TARBP1: variants seen among roughly 807,000 people sequenced by gnomAD.
TARBP1 encodes the protein tRNA (guanosine(18)-2'-O)-methyltransferase TARBP1.
A neutral mutation model predicts 178.6 loss-of-function variants in TARBP1; 144 were observed. The observed-to-expected ratio is 0.81, with a 90% CI of 0.70 to 0.93. TARBP1 has a LOEUF of 0.93. Among genes scored for constraint, TARBP1 ranks in the 40% least tolerant of loss-of-function variants. The pLI, the probability that TARBP1 is intolerant of heterozygous loss-of-function variation, is 0.00. For synonymous variants in TARBP1, 787 were observed against 781.0 expected (o/e 1.01, Z -0.13); for missense variants, 2,067 against 2,011.7 (o/e 1.03, Z -0.53).
intron 12 of TARBP1, among the ~76,000 whole-genome samples, chr1:234,441,812 G>C (rs1665625765): frequency 1.3e-5 from 2 of 152,078 alleles, no homozygotes; most frequent in South Asian, 4.2e-4. Context: ...ATAATATGTG[G>C]TCTTTAGTGA....
chr1:234,452,856 C>CT (rs1558230747), intron 9 of TARBP1, among the ~76,000 whole-genome samples: 3 of 148,452 alleles, frequency 2.0e-5, no homozygotes, highest in Non-Finnish European at 4.4e-5. Context: ...TACATCCAGA[C>CT]AATGAAGTCT....
chr1:234,427,257 A>G (rs995045486), intron 19 of TARBP1, 60 bp downstream of exon 19: 16 of 1,171,228 alleles, frequency 1.4e-5, no homozygotes, highest in Admixed American at 2.0e-5. Flanking sequence ...TGTTTGTCAT[A>G]TGATGTTAAA....
At chr1:234,409,661 T>C (rs1661605855) in intron 23 of TARBP1, among the ~76,000 whole-genome samples, 1 of 152,170 alleles carries the variant, frequency 6.6e-6, no homozygotes, top group Non-Finnish European at 1.5e-5. Flanking sequence ...ATGGATGAAA[T>C]AGGTTAATAA....
In TARBP1 at chr1:234,398,360, T is replaced by A. The variant is rs778938197; in HGVS notation, c.4243+22A>T. 2.6e-6 allele frequency: 4 copies of A among 1,553,966 alleles called. No homozygotes were observed. The African/African-American group carries it at 5.5e-5, about 21-fold the overall frequency. Reference sequence around the variant, plus strand: ...TAACCAGATCAACAAGGGGAAAAAATAAAATGAAAATTATTTTTTACCTAT... The same window carrying A: ...TAACCAGATCAACAAGGGGAAAAAAAAAAATGAAAATTATTTTTTACCTAT... On this transcript the variant is annotated intron_variant, in intron 26 of 29. Transcript: ENST00000040877.
At chr1:234,433,864 C>T (rs1184895866) in intron 13 of TARBP1, among the ~76,000 whole-genome samples, 1 of 152,136 alleles carries the variant, frequency 6.6e-6, no homozygotes, top group South Asian at 2.1e-4. Flanking sequence ...TACCATCTAC[C>T]AATTCTTATG....
intron 13 of TARBP1, among the ~76,000 whole-genome samples, chr1:234,436,991 A>T (rs747311070): frequency 1.3e-5 from 2 of 152,226 alleles, no homozygotes; most frequent in Non-Finnish European, 2.9e-5. Flanking sequence ...GAATGTGTGT[A>T]GTACTTCAAA....
At position 234,429,629 on chromosome 1, in the gene TARBP1, T is replaced by C; in HGVS notation, c.2658A>G (p.Ala886=). The part of the protein sequence containing the change: ...SSSQGWGKIV[A]QYIHDQWVCL... ...ACACCCATTGATCATGAATATATTG[T>C]GCAACTATTTTTCCCCATCCTTGGG... The change falls in exon 16 of 30, where the codon GCA becomes GCG. Residue 886 remains alanine, a synonymous_variant. Coordinates refer to ENST00000040877, the MANE Select transcript of TARBP1 (RefSeq NM_005646.4). 1.2e-6 allele frequency: 2 copies of C among 1,611,442 alleles called. No individual in the cohort carries two copies. The highest frequency in any genetic ancestry group is 1.7e-5 in the Admixed American group (1 of 59,324).
chr1:234,471,234 T>A lies in TARBP1; in HGVS notation c.1053A>T (p.Leu351Phe). ...ATTCAAACAGATTGTTTAGCTTTGG[T>A]AAAACTGGCTTTATAACATGTATCT... ...GNQIHVIKPV[L>F]PKLNNLFEYA... The change falls in exon 3 of 30, where the codon TTA becomes TTT. Residue 351 changes from leucine (L) to phenylalanine (F), a missense_variant. Leu to Phe is a conservative substitution (Grantham distance 22). Transcript: ENST00000040877. The A allele has an allele frequency of 6.3e-7, 1 of 1,599,130 alleles. No homozygotes were observed. The highest frequency in any genetic ancestry group is 1.8e-5 in the Admixed American group (1 of 55,578).
intron 26 of TARBP1, among the ~76,000 whole-genome samples, chr1:234,395,695 C>A (rs993410229): frequency 1.3e-5 from 2 of 152,342 alleles, no homozygotes; most frequent in East Asian, 3.9e-4. Context: ...TATAGTTACA[C>A]AGGCGGTGGT....
intron 20 of TARBP1, among the ~76,000 whole-genome samples, chr1:234,421,109 G>C (rs1663035383): frequency 6.6e-6 from 1 of 152,048 alleles, no homozygotes; most frequent in Non-Finnish European, 1.5e-5. Flanking sequence ...TCTTTTTTGA[G>C]ATGGAGTCTT....
chr1:234,394,752 G>A (rs1030018867), intron 26 of TARBP1, among the ~76,000 whole-genome samples: 8 of 152,238 alleles, frequency 5.3e-5, no homozygotes, highest in African/African-American at 1.7e-4. Context: ...GCAATGGAGT[G>A]GAGGGAGATG....
Position 234,420,821 on chromosome 1 carries a change from G to A in TARBP1, c.3445-9C>T. On this transcript the variant is annotated splice_polypyrimidine_tract_variant and intron_variant, in intron 20 of 29. Transcript: ENST00000040877. ...TTGGACACTAATTCATCCTGGAAAG[G>A]AGAAGGGAGGGAGTCAACATTAAAT... 6.9e-7 allele frequency: 1 copy of A among 1,453,846 alleles called. No individual in the cohort carries two copies. The highest frequency in any genetic ancestry group is 1.7e-4 in the Middle Eastern group (1 of 5,752). The allele number at this position is 1,453,846 out of a possible 1,614,324, so 90.1% of individuals were successfully genotyped here. A position where few individuals can be genotyped will look rare whatever the true frequency, so the allele number is the denominator to read the frequency against.
At position 234,472,716 on chromosome 1, in the gene TARBP1, G is replaced by T; in HGVS notation, c.1027C>A (p.Gln343Lys). 1 of 1,572,140 alleles carries T rather than the reference G, an allele frequency of 6.4e-7. No individual in the cohort carries two copies. Among genetic ancestry groups the T allele is most frequent in the Non-Finnish European group, 8.6e-7 (1 of 1,162,148 alleles). Reference sequence around the variant, plus strand: ...TGCTAAAATAGAAAAACACTTACCTGATTTCCTTCTAAAGTCTCCATAATT... The same window carrying T: ...TGCTAAAATAGAAAAACACTTACCTTATTTCCTTCTAAAGTCTCCATAATT... The part of the protein sequence containing the change: ...ILIMETLEGN[Q>K]IHVIKPVLPK... Residue 343 changes from glutamine (Q) to lysine (K), a missense_variant and splice_region_variant, in exon 2 of 30, where the codon CAG (glutamine) becomes AAG (lysine). Gln to Lys is a moderately conservative substitution (Grantham distance 53). Coordinates refer to ENST00000040877, the MANE Select transcript of TARBP1 (RefSeq NM_005646.4).
intron 6 of TARBP1, 104 bp from the exon 7 acceptor site, chr1:234,460,500 CTCCACT>C: frequency 8.5e-7 from 1 of 1,173,862 alleles, no homozygotes. Flanking sequence ...CATAGTAAGG[CTCCACT>C]TCCCACACAC....
chr1:234,433,315 T>C, intron 14 of TARBP1, 95 bp downstream of exon 14: 1 of 1,286,642 alleles, frequency 7.8e-7, no homozygotes, highest in East Asian at 2.3e-5. Context: ...TAGTTAACGC[T>C]TTGTATGGTA....
At position 234,425,777 on chromosome 1, in the gene TARBP1, G is replaced by A. The variant is rs1204079247; in HGVS notation, c.3340C>T (p.His1114Tyr). 3 of 1,587,368 alleles carry A rather than the reference G, an allele frequency of 1.9e-6. No homozygotes were observed. Among genetic ancestry groups the A allele is most frequent in the Non-Finnish European group, 2.6e-6 (3 of 1,159,170 alleles). The change falls in exon 20 of 30, where the codon CAT becomes TAT. Residue 1114 changes from histidine (H) to tyrosine (Y), a missense_variant. His to Tyr is a moderately conservative substitution (Grantham distance 83). Coordinates refer to ENST00000040877, the MANE Select transcript of TARBP1 (RefSeq NM_005646.4). ...TTGACAGCACAAATTCTCACATAAT[G>A]GTCTTCTCTCTTAGTACTAAAAAAA... ...IVMENTKRED[H>Y]YVRICAVKFL...
intron 3 of TARBP1, among the ~76,000 whole-genome samples, chr1:234,470,263 C>T (rs901401044): frequency 2.7e-4 from 41 of 152,096 alleles, no homozygotes; most frequent in African/African-American, 9.4e-4. Flanking sequence ...TGCAAGACTC[C>T]ACATCTCAAA....
Position 234,391,473 on chromosome 1 carries a change from G to C in TARBP1, c.*104C>G, listed in dbSNP as rs1396431090. The C allele has an allele frequency of 1.5e-6, 2 of 1,297,978 alleles. No individual in the cohort carries two copies. The highest frequency in any genetic ancestry group is 2.0e-6 in the Non-Finnish European group (2 of 976,408). The allele number at this position is 1,297,978 out of a possible 1,614,324, so 80.4% of individuals were successfully genotyped here. ...TTTGGCATTAAATTGCAAGAAAAAAGAAATACAAATTATCACAATAAATTT... is the reference window on the plus strand; with the variant it reads ...TTTGGCATTAAATTGCAAGAAAAAACAAATACAAATTATCACAATAAATTT... On this transcript the variant is annotated 3_prime_UTR_variant, in exon 30 of 30. Coordinates refer to ENST00000040877, the MANE Select transcript of TARBP1 (RefSeq NM_005646.4).
At position 234,478,258 on chromosome 1, in the gene TARBP1, C is replaced by A. The variant is rs778246253; in HGVS notation, c.846G>T (p.Lys282Asn). 2.4e-5 allele frequency: 38 copies of A among 1,606,584 alleles called. No homozygotes were observed. Among genetic ancestry groups the A allele is most frequent in the Non-Finnish European group, 3.2e-5 (38 of 1,177,906 alleles). ...CCCTCTGCAGCAGGTAGCGCGCTCG[C>A]TTGCGCGTCAGGGCGTCCGCCTGGC... ...GLGQADALTR[K>N]RARYLLQRAV... The change falls in exon 1 of 30, where the codon AAG becomes AAT. Residue 282 changes from lysine to asparagine, a missense_variant. Lys to Asn is a moderately conservative substitution (Grantham distance 94, BLOSUM62 0). Transcript: ENST00000040877.
Sources: gnomAD v4.1 joint callset for allele counts (sites outside exome capture counted in the v4.1 genomes callset) on GRCh38, gnomAD v4.1.1 for gene constraint, MANE v1.5 for transcripts, NCBI Gene and HGNC (gene_info 2026-07-23, HGNC 2026-07-21) for gene names.